TBCA: variants seen among roughly 807,000 people sequenced by gnomAD.
TBCA encodes tubulin folding cofactor A.
A neutral mutation model predicts 15.8 loss-of-function variants in TBCA; 6 were observed. The ratio of observed to expected loss-of-function variants is 0.38; its 90% CI spans 0.21 to 0.75. The LOEUF (loss-of-function observed/expected upper bound fraction) is 0.75. Among genes scored for constraint, TBCA ranks in the 30% least tolerant of loss-of-function variants. The probability of loss-of-function intolerance (pLI) is 0.46; values close to 1 mark genes in which losing one functional copy is unlikely to be tolerated. For missense variants in TBCA, 90 were observed against 131.2 expected (o/e 0.69, Z 1.53); for synonymous variants, 32 against 42.3 (o/e 0.76, Z 0.94).
At chr5:77,696,327 G>A (rs1745869981) in intron 2 of TBCA, among the ~76,000 whole-genome samples, 1 of 152,152 alleles carries the variant, frequency 6.6e-6, no homozygotes, top group Admixed American at 6.6e-5. Context: ...CCTTTAGATG[G>A]TAGTAAAATG....
At chr5:77,740,664 G>A (rs954479780) in intron 1 of TBCA, among the ~76,000 whole-genome samples, 18 of 152,216 alleles carry the variant, frequency 1.2e-4, no homozygotes, top group African/African-American at 4.3e-4. Context: ...AAGGTAGCCA[G>A]TCCCACAGTT....
intron 1 of TBCA, among the ~76,000 whole-genome samples, chr5:77,712,227 G>A (rs1030849779): frequency 3.9e-5 from 6 of 152,138 alleles, no homozygotes; most frequent in African/African-American, 1.4e-4. Context: ...AACCTGTAGT[G>A]TATGAAATTT....
At chr5:77,708,495 A>G in intron 1 of TBCA, 148 bp from the exon 2 acceptor site, 1 of 533,848 alleles carries the variant, frequency 1.9e-6, no homozygotes, top group South Asian at 2.8e-5. Flanking sequence ...AAAATAGTTT[A>G]GTCATAAATA....
At chr5:77,764,895 T>A (rs557115839) in intron 1 of TBCA, among the ~76,000 whole-genome samples, 1 of 152,296 alleles carries the variant, frequency 6.6e-6, no homozygotes, top group Non-Finnish European at 1.5e-5. Flanking sequence ...GAATCTGGAC[T>A]CTACCCAAGG....
chr5:77,733,247 C>T (rs367633797), intron 1 of TBCA, among the ~76,000 whole-genome samples: 2 of 152,292 alleles, frequency 1.3e-5, no homozygotes, highest in African/African-American at 4.8e-5. Flanking sequence ...GGCTATTGCA[C>T]TCCAGCCTGG....
At chr5:77,757,859 G>C (rs573703103) in intron 1 of TBCA, among the ~76,000 whole-genome samples, 124 of 152,292 alleles carry the variant, frequency 8.1e-4, no homozygotes, top group Non-Finnish European at 1.1e-3. Flanking sequence ...ATATTTTAGA[G>C]AGATACAAGG....
intron 1 of TBCA, among the ~76,000 whole-genome samples, chr5:77,760,673 T>G (rs1306871621): frequency 2.0e-5 from 3 of 152,214 alleles, no homozygotes; most frequent in Non-Finnish European, 2.9e-5. Context: ...TCCGCCTGCC[T>G]CGGGCTCCCG....
intron 3 of TBCA, 173 bp from the exon 4 acceptor site, chr5:77,691,671 C>T: frequency 5.9e-6 from 8 of 1,352,994 alleles, no homozygotes; most frequent in East Asian, 3.1e-5. Context: ...TCTGTTCCTT[C>T]TTTACAAGGA....
At chr5:77,771,562 A>T (rs1479155147) in intron 1 of TBCA, among the ~76,000 whole-genome samples, 1 of 152,212 alleles carries the variant, frequency 6.6e-6, no homozygotes, top group African/African-American at 2.4e-5. Context: ...GGGCCTAAAA[A>T]TACTGGCCCT....
chr5:77,715,956 C>T (rs903119779), intron 1 of TBCA, among the ~76,000 whole-genome samples: 3 of 152,008 alleles, frequency 2.0e-5, no homozygotes, highest in Admixed American at 1.3e-4. Context: ...TCTGAATAAA[C>T]GAACAGTATA....
intron 1 of TBCA, among the ~76,000 whole-genome samples, chr5:77,731,035 C>A (rs917723702): frequency 2.6e-5 from 4 of 152,050 alleles, no homozygotes; most frequent in Non-Finnish European, 4.4e-5. Flanking sequence ...TACATGTATG[C>A]CCTTGCCTGC....
intron 1 of TBCA, among the ~76,000 whole-genome samples, chr5:77,734,633 A>C (rs923470239): frequency 1.3e-5 from 2 of 152,248 alleles, no homozygotes; most frequent in Non-Finnish European, 2.9e-5. Flanking sequence ...TCTTGAGATG[A>C]AGTCTACTTC....
intron 1 of TBCA, among the ~76,000 whole-genome samples, chr5:77,712,152 TACA>T (rs1746293155): frequency 6.6e-6 from 1 of 152,182 alleles, no homozygotes; most frequent in South Asian, 2.1e-4. Context: ...AGAGTATATA[TACA>T]ACTTCTACTT....
At chr5:77,728,302 A>G (rs921496060) in intron 1 of TBCA, among the ~76,000 whole-genome samples, 2 of 152,150 alleles carry the variant, frequency 1.3e-5, no homozygotes, top group African/African-American at 4.8e-5. Flanking sequence ...CAAAATTTAC[A>G]CTAAAGCTTA....
chr5:77,711,843 A>C (rs1746284571), intron 1 of TBCA, among the ~76,000 whole-genome samples: 1 of 152,182 alleles, frequency 6.6e-6, no homozygotes, highest in African/African-American at 2.4e-5. Context: ...GGATAAGTAA[A>C]GGTGCTGCGT....
intron 2 of TBCA, among the ~76,000 whole-genome samples, chr5:77,698,698 AC>A (rs1445783656): frequency 3.3e-5 from 5 of 152,194 alleles, no homozygotes; most frequent in African/African-American, 9.7e-5. Context: ...TATTAACCTT[AC>A]AGCAACACCA....
At chr5:77,731,193 T>C (rs1226921845) in intron 1 of TBCA, among the ~76,000 whole-genome samples, 1 of 152,206 alleles carries the variant, frequency 6.6e-6, no homozygotes, top group Non-Finnish European at 1.5e-5. Context: ...CTCACCAACA[T>C]TTAATACTGG....
At chr5:77,760,623 G>T (rs574008512) in intron 1 of TBCA, among the ~76,000 whole-genome samples, 1 of 152,188 alleles carries the variant, frequency 6.6e-6, no homozygotes, top group Non-Finnish European at 1.5e-5. Flanking sequence ...GGGTTTCGCC[G>T]TGTTGGCCGG....
At chr5:77,692,403 A>G in intron 3 of TBCA, 1 of 980,382 alleles carries the variant, frequency 1.0e-6, no homozygotes, top group Non-Finnish European at 1.2e-6. Context: ...ATTGTTGAAT[A>G]CATCTTCACA....
Sources: gnomAD v4.1 joint callset for allele counts (sites outside exome capture counted in the v4.1 genomes callset) on GRCh38, gnomAD v4.1.1 for gene constraint, MANE v1.5 for transcripts, NCBI Gene and HGNC (gene_info 2026-07-23, HGNC 2026-07-21) for gene names.